FBXL7: variants seen among roughly 807,000 people sequenced by gnomAD.
The protein encoded by FBXL7 is F-box/LRR-repeat protein 7.
FBXL7 carries 12 observed loss-of-function variants against 38.3 expected under a neutral mutation model. The ratio of observed to expected loss-of-function variants is 0.31; its 90% confidence interval spans 0.20 to 0.51. The LOEUF is 0.51. Ranked by LOEUF, FBXL7 falls within the 20% of genes least tolerant of loss-of-function variation. FBXL7 has a pLI of 0.98. For missense variants in FBXL7, 567 were observed against 676.4 expected, an observed-to-expected ratio of 0.84 and a Z score of 1.79; for synonymous variants, 297 against 300.9, an observed-to-expected ratio of 0.99 and a Z score of 0.13.
chr5:15,888,968 C>T (rs765561447), intron 2 of FBXL7, among the ~76,000 whole-genome samples: 2 of 152,132 alleles, frequency 1.3e-5, no homozygotes, highest in Non-Finnish European at 2.9e-5. Flanking sequence ...TTATCCTTGG[C>T]ACTGCCAGTA....
chr5:15,713,805 G>A (rs1435742939), intron 2 of FBXL7, among the ~76,000 whole-genome samples: 6 of 152,190 alleles, frequency 3.9e-5, no homozygotes, highest in African/African-American at 1.4e-4. Flanking sequence ...AGAGGGTAGG[G>A]TTGGAGAAAG....
intron 2 of FBXL7, among the ~76,000 whole-genome samples, chr5:15,884,028 C>T (rs1273459459): frequency 6.6e-6 from 1 of 152,144 alleles, no homozygotes; most frequent in African/African-American, 2.4e-5. Flanking sequence ...GTAACAAAAT[C>T]CCACACACTT....
At chr5:15,795,461 GT>G (rs1213261410) in intron 2 of FBXL7, among the ~76,000 whole-genome samples, 2 of 152,194 alleles carry the variant, frequency 1.3e-5, no homozygotes, top group Non-Finnish European at 2.9e-5. Flanking sequence ...AGCTGATGCA[GT>G]TTCTAGGTAG....
chr5:15,902,144 G>A (rs905489252), intron 2 of FBXL7, among the ~76,000 whole-genome samples: 12 of 152,110 alleles, frequency 7.9e-5, no homozygotes, highest in Non-Finnish European at 1.3e-4. Context: ...ACACAGTGAC[G>A]GTTTTATATT....
chr5:15,588,334 T>C (rs1413761753), intron 1 of FBXL7, among the ~76,000 whole-genome samples: 1 of 152,186 alleles, frequency 6.6e-6, no homozygotes, highest in African/African-American at 2.4e-5. Flanking sequence ...AATCAGTGAC[T>C]TCACTCATCA....
intron 2 of FBXL7, among the ~76,000 whole-genome samples, chr5:15,712,352 G>GAA (rs56795994): frequency 9.2e-5 from 13 of 140,954 alleles, no homozygotes; most frequent in African/African-American, 2.6e-4. Flanking sequence ...TTAAAATAGT[G>GAA]AAAAAAAAAA....
chr5:15,697,062 A>G (rs1480787208), intron 2 of FBXL7, among the ~76,000 whole-genome samples: 3 of 152,256 alleles, frequency 2.0e-5, no homozygotes, highest in African/African-American at 7.2e-5. Context: ...TTTACAAAAA[A>G]GCAGAGTATG....
intron 2 of FBXL7, among the ~76,000 whole-genome samples, chr5:15,837,252 T>C (rs1277217669): frequency 6.6e-6 from 1 of 152,208 alleles, no homozygotes; most frequent in African/African-American, 2.4e-5. Flanking sequence ...TTAAAGAGAA[T>C]CTTAATCCTT....
intron 2 of FBXL7, among the ~76,000 whole-genome samples, chr5:15,699,304 C>T (rs1440023949): frequency 6.6e-6 from 1 of 152,152 alleles, no homozygotes; most frequent in Non-Finnish European, 1.5e-5. Context: ...AAAATGAGCA[C>T]AGGGCCAAGG....
chr5:15,725,177 T>C (rs1341110937), intron 2 of FBXL7, among the ~76,000 whole-genome samples: 2 of 152,212 alleles, frequency 1.3e-5, no homozygotes, highest in Non-Finnish European at 2.9e-5. Context: ...CTGTTAGCTT[T>C]GCATTTAGTT....
At chr5:15,723,979 C>T (rs570565471) in intron 2 of FBXL7, among the ~76,000 whole-genome samples, 1 of 152,208 alleles carries the variant, frequency 6.6e-6, no homozygotes, top group East Asian at 1.9e-4. Context: ...AGGGCAATCC[C>T]CTCAGTTTTC....
chr5:15,796,801 G>A (rs1038751014), intron 2 of FBXL7, among the ~76,000 whole-genome samples: 3 of 152,154 alleles, frequency 2.0e-5, no homozygotes, highest in African/African-American at 7.2e-5. Flanking sequence ...ACAACCTGAG[G>A]TATTGATTAG....
intron 2 of FBXL7, among the ~76,000 whole-genome samples, chr5:15,651,243 C>G (rs565327182): frequency 3.6e-4 from 55 of 151,918 alleles, no homozygotes; most frequent in Non-Finnish European, 6.0e-4. Context: ...ACTACAGGCA[C>G]CCGCCATCAT....
intron 2 of FBXL7, among the ~76,000 whole-genome samples, chr5:15,711,524 T>G (rs1743870199): frequency 6.6e-6 from 1 of 152,198 alleles, no homozygotes; most frequent in Admixed American, 6.5e-5. Flanking sequence ...AGTTAGGACT[T>G]CAACATAACT....
intron 2 of FBXL7, among the ~76,000 whole-genome samples, chr5:15,690,106 C>A (rs754779979): frequency 3.9e-5 from 6 of 152,180 alleles, no homozygotes; most frequent in Non-Finnish European, 8.8e-5. Flanking sequence ...TTGCTATCCT[C>A]ATTATGTAGG....
At chr5:15,729,627 G>A (rs1274984391) in intron 2 of FBXL7, among the ~76,000 whole-genome samples, 2 of 152,134 alleles carry the variant, frequency 1.3e-5, no homozygotes, top group Non-Finnish European at 2.9e-5. Context: ...TTTAAAGGCA[G>A]TGTTGGCATT....
chr5:15,631,245 A>G (rs1266158905), intron 2 of FBXL7, among the ~76,000 whole-genome samples: 1 of 152,218 alleles, frequency 6.6e-6, no homozygotes, highest in African/African-American at 2.4e-5. Flanking sequence ...TCAGTTATAT[A>G]TGTATGACAT....
chr5:15,689,497 C>T (rs62347939), intron 2 of FBXL7, among the ~76,000 whole-genome samples: 1 of 152,160 alleles, frequency 6.6e-6, no homozygotes, highest in African/African-American at 2.4e-5. Flanking sequence ...CATTTTGTTT[C>T]AGGCACTGTG....
At chr5:15,822,745 T>C (rs1454700865) in intron 2 of FBXL7, among the ~76,000 whole-genome samples, 4 of 151,684 alleles carry the variant, frequency 2.6e-5, no homozygotes, top group African/African-American at 9.7e-5. Flanking sequence ...CGTTAGCTCA[T>C]ATCTCAAAAT....
Sources: allele counts gnomAD v4.1 joint callset (sites outside exome capture counted in the v4.1 genomes callset), GRCh38; gene constraint gnomAD v4.1.1; transcripts MANE v1.5; gene names NCBI Gene and HGNC (gene_info 2026-07-23, HGNC 2026-07-21).